Variants in AGPAT3 observed in about 807,000 individuals in gnomAD.
AGPAT3 encodes 1-acyl-sn-glycerol-3-phosphate acyltransferase gamma.
A neutral mutation model predicts 47.3 loss-of-function variants in AGPAT3; 5 were observed. The observed-to-expected ratio is 0.11, with a 90% CI of 0.06 to 0.22. The LOEUF is 0.22. AGPAT3 is among the 10% of genes least tolerant of loss of function. The pLI is 1.00. For synonymous variants in AGPAT3, 212 were observed against 208.3 expected, an observed-to-expected ratio of 1.02 and a Z score of -0.15; for missense variants, 315 against 493.0, an observed-to-expected ratio of 0.64 and a Z score of 3.42.
rs183420341 is a variant in AGPAT3 at position 43,976,789 on chromosome 21, C to G, written c.768-1257C>G. On this transcript the variant is annotated intron_variant, in intron 7 of 9. Transcript: ENST00000291572. ...CCAGAGGGAAGGGAGAACTGGGCAC[C>G]AGTGAAAACAGGTCACGCCTACCTG... is the stretch of plus-strand genomic sequence containing the variant. 4.6e-5 allele frequency among the ~76,000 whole-genome samples: 7 copies of G among 152,260 alleles called. No individual in the cohort carries two copies. In the East Asian group the frequency reaches 1.2e-3, roughly 25 times the overall value.
At chr21:43,900,786 C>T (rs2086331214) in intron 1 of AGPAT3, among the ~76,000 whole-genome samples, 1 of 152,054 alleles carries the variant, frequency 6.6e-6, no homozygotes, top group Non-Finnish European at 1.5e-5. Flanking sequence ...GGTTGTCCTA[C>T]AAAGGTCCGC....
At chr21:43,976,785 G>A (rs2089636251) in intron 7 of AGPAT3, among the ~76,000 whole-genome samples, 1 of 152,120 alleles carries the variant, frequency 6.6e-6, no homozygotes, top group Non-Finnish European at 1.5e-5. Flanking sequence ...GGAGAACTGG[G>A]CACCAGTGAA....
intron 2 of AGPAT3, among the ~76,000 whole-genome samples, chr21:43,918,793 TC>T (rs1285237922): frequency 1.3e-5 from 2 of 152,174 alleles, no homozygotes; most frequent in Admixed American, 6.5e-5. Context: ...GCCAGGCTGG[TC>T]TTGAACTCCT....
At chr21:43,915,368 T>G (rs1019635100) in intron 2 of AGPAT3, among the ~76,000 whole-genome samples, 96 of 149,906 alleles carry the variant, frequency 6.4e-4, no homozygotes, top group Non-Finnish European at 1.9e-4. Context: ...CCTGTTTTCT[T>G]ATTTTGTATA....
At chr21:43,947,812 T>G (rs1043483522) in intron 2 of AGPAT3, among the ~76,000 whole-genome samples, 1 of 151,922 alleles carries the variant, frequency 6.6e-6, no homozygotes, top group East Asian at 1.9e-4. Context: ...CCCGGCTAAT[T>G]TTTTGTATTT....
intron 1 of AGPAT3, among the ~76,000 whole-genome samples, chr21:43,879,703 T>C (rs888848021): frequency 1.3e-5 from 2 of 152,222 alleles, no homozygotes; most frequent in Non-Finnish European, 2.9e-5. Context: ...CTGCGCTGTG[T>C]GCGTGTCAGG....
At chr21:43,935,609 C>T (rs1031687377) in intron 2 of AGPAT3, among the ~76,000 whole-genome samples, 5 of 152,242 alleles carry the variant, frequency 3.3e-5, no homozygotes, top group African/African-American at 1.2e-4. Context: ...CAGATGCTCA[C>T]TGCTCGGTAG....
chr21:43,932,994 T>C lies in AGPAT3; in HGVS notation c.-48-26640T>C, dbSNP rs1051128274. Among the ~76,000 whole-genome samples the C allele has an allele frequency of 1.3e-5, 2 of 152,206 alleles. No individual in the cohort carries two copies. Among genetic ancestry groups the C allele is most frequent in the African/African-American group, 4.8e-5 (2 of 41,462 alleles). On this transcript the variant is annotated intron_variant, in intron 2 of 9. Transcript: ENST00000291572. The surrounding 1 kb of genome is among the most constrained non-coding windows in gnomAD (Gnocchi z 5.2). ...TTTGGAGGCACCTCCAGATGGTTTG[T>C]GTAGTGGCCACACTGATTGACGCTC...
chr21:43,957,964 G>A (rs145268862), intron 2 of AGPAT3, among the ~76,000 whole-genome samples: 75 of 152,244 alleles, frequency 4.9e-4, no homozygotes, highest in East Asian at 1.7e-3. Flanking sequence ...CTGGGGAGTC[G>A]CTCCTTTTGT....
chr21:43,903,504 T>C (rs2086405990), intron 1 of AGPAT3, among the ~76,000 whole-genome samples: 1 of 152,156 alleles, frequency 6.6e-6, no homozygotes, highest in Non-Finnish European at 1.5e-5. Flanking sequence ...TGGGCTGGGC[T>C]GGATTTTGGA....
chr21:43,870,169 T>C (rs1439109329), intron 1 of AGPAT3, among the ~76,000 whole-genome samples: 1 of 152,206 alleles, frequency 6.6e-6, no homozygotes, highest in East Asian at 1.9e-4. Flanking sequence ...AGTGAGCTGG[T>C]GCAGGGAGGC....
chr21:43,907,058 G>T (rs4819341), intron 2 of AGPAT3, among the ~76,000 whole-genome samples: 42,640 of 145,546 alleles, frequency 0.29, 7,219 homozygotes, highest in Non-Finnish European at 0.38. Flanking sequence ...TTGAGAGGGG[G>T]TCTCTCTCTG....
intron 2 of AGPAT3, among the ~76,000 whole-genome samples, chr21:43,914,202 G>C (rs1022952315): frequency 4.6e-5 from 7 of 152,160 alleles, no homozygotes; most frequent in African/African-American, 1.4e-4. Context: ...CTGCCTGCGA[G>C]GCCTGGGGCC....
intron 1 of AGPAT3, among the ~76,000 whole-genome samples, chr21:43,884,169 C>G (rs1601211140): frequency 6.6e-6 from 1 of 152,252 alleles, no homozygotes; most frequent in Non-Finnish European, 1.5e-5. Context: ...CAGATAGTCC[C>G]CAGTGCTGGA....
intron 1 of AGPAT3, among the ~76,000 whole-genome samples, chr21:43,902,275 C>T (rs1013554435): frequency 6.6e-5 from 10 of 152,170 alleles, no homozygotes; most frequent in Admixed American, 6.5e-4. Context: ...TATTGGACAC[C>T]TATCTACAAA....
chr21:43,942,108 C>T (rs368911320), intron 2 of AGPAT3, among the ~76,000 whole-genome samples: 70 of 152,374 alleles, frequency 4.6e-4, no homozygotes, highest in South Asian at 4.3e-3. Context: ...TGGCCTGCGC[C>T]GTGGCAGCGT....
At chr21:43,915,405 CTTT>C (rs747494231) in intron 2 of AGPAT3, among the ~76,000 whole-genome samples, 1 of 38,848 alleles carries the variant, frequency 2.6e-5, no homozygotes, top group Non-Finnish European at 4.9e-5. Context: ...TCTTGATTAG[CTTT>C]TTTTTTTTTT....
intron 2 of AGPAT3, among the ~76,000 whole-genome samples, chr21:43,949,549 T>G (rs922539233): frequency 2.0e-5 from 3 of 152,198 alleles, no homozygotes; most frequent in Admixed American, 1.3e-4. Context: ...CACATTCTAT[T>G]GATAGGGTGA....
At chr21:43,887,586 G>T (rs1156688947) in intron 1 of AGPAT3, among the ~76,000 whole-genome samples, 1 of 151,336 alleles carries the variant, frequency 6.6e-6, no homozygotes, top group African/African-American at 2.4e-5. Context: ...GTGCGCACAC[G>T]CACACACACA....
Sources: gnomAD v4.1 joint callset for allele counts (sites outside exome capture counted in the v4.1 genomes callset) on GRCh38, gnomAD v4.1.1 for gene constraint, Gnocchi (gnomAD v3.1) non-coding constraint, MANE v1.5 for transcripts, NCBI Gene and HGNC (gene_info 2026-07-23, HGNC 2026-07-21) for gene names.